Variants in MAP2K1 observed in about 807,000 individuals in gnomAD.
MAP2K1 encodes the protein mitogen-activated protein kinase kinase 1.
A neutral mutation model predicts 46.3 loss-of-function variants in MAP2K1; 16 were observed. The observed-to-expected ratio is 0.35, with a 90% CI of 0.23 to 0.52. MAP2K1 has a LOEUF of 0.52. Ranked by LOEUF, MAP2K1 falls within the 20% of genes least tolerant of loss-of-function variation. MAP2K1 has a pLI of 0.94. For missense variants in MAP2K1, 263 were observed against 497.1 expected, an observed-to-expected ratio of 0.53 and a Z score of 4.48; for synonymous variants, 183 against 185.6, an observed-to-expected ratio of 0.99 and a Z score of 0.11.
chr15:66,448,152 C>CCA (rs766542235), intron 5 of MAP2K1, among the ~76,000 whole-genome samples: 2 of 86,980 alleles, frequency 2.3e-5, no homozygotes, highest in Non-Finnish European at 4.4e-5. Flanking sequence ...GACTCCATCT[C>CCA]AAAAAAAAAA....
chr15:66,459,951 C>A (rs1892276173), intron 5 of MAP2K1, among the ~76,000 whole-genome samples: 1 of 152,242 alleles, frequency 6.6e-6, no homozygotes, highest in East Asian at 1.9e-4. Context: ...CCTGCCTCCA[C>A]CAGCCTGAGG....
intron 5 of MAP2K1, among the ~76,000 whole-genome samples, chr15:66,469,082 C>T (rs1892543151): frequency 6.6e-6 from 1 of 151,812 alleles, no homozygotes; most frequent in African/African-American, 2.4e-5. Flanking sequence ...ATGGTGAAAC[C>T]CCGTCTCTAC....
At chr15:66,456,065 A>G (rs1393208354) in intron 5 of MAP2K1, among the ~76,000 whole-genome samples, 2 of 152,138 alleles carry the variant, frequency 1.3e-5, no homozygotes, top group East Asian at 1.9e-4. Context: ...CTCCGTGTCT[A>G]TTCGCCTACC....
At chr15:66,453,110 C>A (rs1892079092) in intron 5 of MAP2K1, among the ~76,000 whole-genome samples, 1 of 152,224 alleles carries the variant, frequency 6.6e-6, no homozygotes, top group Non-Finnish European at 1.5e-5. Flanking sequence ...CTGTGTTTTT[C>A]TGTACTATGT....
intron 10 of MAP2K1, chr15:66,490,274 C>T (rs377758416): frequency 3.9e-5 from 26 of 668,382 alleles, no homozygotes; most frequent in East Asian, 1.4e-4. Flanking sequence ...CCATACTGCA[C>T]GAGTAGGCTC....
intron 1 of MAP2K1, among the ~76,000 whole-genome samples, chr15:66,420,761 A>ATC (rs1429106611): frequency 6.4e-5 from 1 of 15,542 alleles, no homozygotes; most frequent in Non-Finnish European, 1.5e-4. Flanking sequence ...GTGTGTGTGT[A>ATC]TGTGTGTATA....
intron 1 of MAP2K1, among the ~76,000 whole-genome samples, chr15:66,408,024 A>G (rs2093402090): frequency 6.6e-6 from 1 of 152,210 alleles, no homozygotes; most frequent in South Asian, 2.1e-4. Flanking sequence ...CTGCCTTACT[A>G]TGTCTGTGGT....
intron 1 of MAP2K1, among the ~76,000 whole-genome samples, chr15:66,420,827 ATGTGTATATATATG>A (rs1567003180): frequency 1.4e-3 from 95 of 70,190 alleles, no homozygotes; most frequent in African/African-American, 3.4e-3. Flanking sequence ...GTATATATAT[ATGTGTATATATATG>A]TGTGTATATA....
Position 66,455,000 on chromosome 15 carries a change from C to T in MAP2K1, c.568+10293C>T, listed in dbSNP as rs1892129878. Among the ~76,000 whole-genome samples, 4 of 152,270 alleles carry T rather than the reference C, an allele frequency of 2.6e-5. No individual in the cohort carries two copies. In the South Asian group the frequency reaches 8.3e-4, roughly 32 times the overall value. Reference sequence around the variant, plus strand: ...GGCTACTCTAGTTGGGAGGTTGGCTCAGTCAGGCAGAGAAATAGCTCCCTG... The same window carrying T: ...GGCTACTCTAGTTGGGAGGTTGGCTTAGTCAGGCAGAGAAATAGCTCCCTG... On this transcript the variant is annotated intron_variant, in intron 5 of 10. Coordinates refer to ENST00000307102, the MANE Select transcript of MAP2K1 (RefSeq NM_002755.4).
intron 5 of MAP2K1, among the ~76,000 whole-genome samples, chr15:66,478,092 T>C (rs1892800937): frequency 6.6e-6 from 1 of 151,634 alleles, no homozygotes; most frequent in Admixed American, 6.6e-5. Flanking sequence ...AAGTTCAGAA[T>C]CTCCCCATGG....
At chr15:66,472,357 A>G (rs1892657920) in intron 5 of MAP2K1, among the ~76,000 whole-genome samples, 1 of 150,966 alleles carries the variant, frequency 6.6e-6, no homozygotes, top group Non-Finnish European at 1.5e-5. Flanking sequence ...TTCCCTTTCG[A>G]TGTTGGCTTT....
intron 1 of MAP2K1, among the ~76,000 whole-genome samples, chr15:66,397,309 A>G (rs565411324): frequency 1.3e-5 from 2 of 152,050 alleles, no homozygotes; most frequent in South Asian, 4.2e-4. Context: ...GGCCTGTAAC[A>G]CTTCTTAATG....
intron 5 of MAP2K1, among the ~76,000 whole-genome samples, chr15:66,455,640 A>G (rs1892147319): frequency 6.6e-6 from 1 of 152,156 alleles, no homozygotes; most frequent in Non-Finnish European, 1.5e-5. Context: ...CTAGTTTGGT[A>G]CATTGCCTTG....
chr15:66,388,670 C>T (rs1016270260), intron 1 of MAP2K1, among the ~76,000 whole-genome samples: 7 of 151,626 alleles, frequency 4.6e-5, no homozygotes, highest in African/African-American at 1.5e-4. Context: ...TATGCCCAGC[C>T]AACTTTCTCT....
intron 5 of MAP2K1, among the ~76,000 whole-genome samples, chr15:66,453,119 G>A (rs1002340214): frequency 2.6e-5 from 4 of 152,176 alleles, no homozygotes; most frequent in African/African-American, 9.7e-5. Context: ...TCTGTACTAT[G>A]TACCTACTAT....
rs1567012337 is a variant in MAP2K1 at position 66,444,651 on chromosome 15, T to TC, written c.517-4dup. 6.2e-7 allele frequency: 1 copy of TC among 1,601,304 alleles called. No homozygotes were observed. Among genetic ancestry groups the TC allele is most frequent in the East Asian group, 2.2e-5 (1 of 44,800 alleles). On this transcript the variant is annotated splice_polypyrimidine_tract_variant and splice_region_variant and intron_variant, in intron 4 of 10. Transcript: ENST00000307102. ...TTCTTTTCTTTTACATTCCCTTTCC[T>TC]CTAGGTAATAAAAGGCCTGACATAT...
intron 8 of MAP2K1, among the ~76,000 whole-genome samples, chr15:66,488,128 C>G (rs1358716847): frequency 6.6e-6 from 1 of 152,110 alleles, no homozygotes; most frequent in African/African-American, 2.4e-5. Flanking sequence ...CTACTGCAGC[C>G]TCTGCTGGCA....
intron 5 of MAP2K1, among the ~76,000 whole-genome samples, chr15:66,458,508 A>G (rs370436713): frequency 1.3e-5 from 2 of 152,212 alleles, no homozygotes; most frequent in East Asian, 1.9e-4. Context: ...TGTGACATGT[A>G]TGTGTGTATG....
chr15:66,399,204 A>G (rs553790563), intron 1 of MAP2K1, among the ~76,000 whole-genome samples: 2 of 152,340 alleles, frequency 1.3e-5, no homozygotes, highest in African/African-American at 4.8e-5. Context: ...GGATAAAGCA[A>G]ATGGAACGGA....
Sources: allele counts gnomAD v4.1 joint callset (sites outside exome capture counted in the v4.1 genomes callset), GRCh38; gene constraint gnomAD v4.1.1; transcripts MANE v1.5; gene names NCBI Gene and HGNC (gene_info 2026-07-23, HGNC 2026-07-21).